Variants in GABRA3 observed in about 807,000 individuals in gnomAD.
GABRA3 encodes gamma-aminobutyric acid receptor subunit alpha-3.
A neutral mutation model predicts 30.1 loss-of-function variants in GABRA3; 10 were observed. The ratio of observed to expected loss-of-function variants is 0.33; its 90% CI spans 0.20 to 0.56. GABRA3 has a LOEUF of 0.56. Among genes scored for constraint, GABRA3 ranks in the 20% least tolerant of loss-of-function variants. The pLI is 0.89. For synonymous variants in GABRA3, 151 were observed against 146.8 expected (o/e 1.03, Z -0.21); for missense variants, 233 against 392.0 (o/e 0.59, Z 3.42).
intron 1 of GABRA3, among the ~76,000 whole-genome samples, chrX:152,416,023 A>G (rs1227604173): frequency 9.0e-6 from 1 of 110,877 alleles, no homozygotes; most frequent in East Asian, 2.8e-4. Flanking sequence ...TTTTCATACA[A>G]TACTTAGGCA....
chrX:152,317,885 C>T (rs992295133), intron 3 of GABRA3, among the ~76,000 whole-genome samples: 15 of 111,276 alleles, frequency 1.3e-4, no homozygotes, highest in Non-Finnish European at 3.8e-5. Context: ...CACAAATAGA[C>T]AATCAAAGGT....
chrX:152,399,834 C>T (rs1263135125), intron 1 of GABRA3, among the ~76,000 whole-genome samples: 4 of 111,703 alleles, frequency 3.6e-5, no homozygotes, highest in African/African-American at 1.3e-4. Context: ...AGAAGGAAGA[C>T]TGCAAAACTC....
chrX:152,196,744 A>T (rs1207718245), intron 8 of GABRA3, among the ~76,000 whole-genome samples: 2 of 112,109 alleles, frequency 1.8e-5, no homozygotes, highest in Non-Finnish European at 3.8e-5. Flanking sequence ...CTCTCCTCAC[A>T]TGACTTCCAT....
chrX:152,288,298 G>A (rs912575760), intron 3 of GABRA3, among the ~76,000 whole-genome samples: 9 of 111,949 alleles, frequency 8.0e-5, no homozygotes, highest in African/African-American at 2.3e-4. Context: ...AACACATGGA[G>A]AAGAACCCTG....
chrX:152,280,958 C>CTT (rs771890666), intron 4 of GABRA3, among the ~76,000 whole-genome samples: 50 of 111,265 alleles, frequency 4.5e-4, no homozygotes, highest in African/African-American at 1.5e-3. Flanking sequence ...CAGACAAATA[C>CTT]TTGTTAATTA....
intron 3 of GABRA3, among the ~76,000 whole-genome samples, chrX:152,290,771 A>T (rs1302067214): frequency 8.9e-6 from 1 of 112,060 alleles, no homozygotes; most frequent in Non-Finnish European, 1.9e-5. Context: ...TAAATAGGGA[A>T]TCCTTTCCCC....
intron 4 of GABRA3, among the ~76,000 whole-genome samples, chrX:152,278,416 A>G (rs1468525918): frequency 3.6e-5 from 4 of 110,516 alleles, no homozygotes; most frequent in Non-Finnish European, 7.6e-5. Context: ...AGCTTCATCC[A>G]TGTCCCTACA....
chrX:152,402,067 C>T (rs2124523045), intron 1 of GABRA3, among the ~76,000 whole-genome samples: 1 of 112,051 alleles, frequency 8.9e-6, no homozygotes, highest in South Asian at 3.7e-4. Flanking sequence ...ATAAATGCAG[C>T]ATGATATCTG....
intron 3 of GABRA3, among the ~76,000 whole-genome samples, chrX:152,343,466 A>G (rs1940345530): frequency 9.2e-6 from 1 of 109,212 alleles, no homozygotes; most frequent in Admixed American, 9.9e-5. Context: ...AAAAAACAAA[A>G]CGCAATTGCA....
At chrX:152,289,927 T>C (rs1276732804) in intron 3 of GABRA3, among the ~76,000 whole-genome samples, 2 of 112,137 alleles carry the variant, frequency 1.8e-5, no homozygotes, top group African/African-American at 6.5e-5. Context: ...TTGGTGGACA[T>C]TTGGGTTGGT....
intron 1 of GABRA3, among the ~76,000 whole-genome samples, chrX:152,433,338 G>A (rs12690085): frequency 0.26 from 28,238 of 107,596 alleles, 3,278 homozygotes; most frequent in East Asian, 0.44. Flanking sequence ...CTTAAAAGGA[G>A]GGCAAAATCG....
intron 7 of GABRA3, among the ~76,000 whole-genome samples, chrX:152,199,364 CA>C (rs1343097115): frequency 1.1e-3 from 97 of 86,015 alleles, no homozygotes; most frequent in Middle Eastern, 6.0e-3. Context: ...GACTCTGTCT[CA>C]AAAAAAAAAA....
At chrX:152,181,175 G>T (rs1937141081) in intron 9 of GABRA3, among the ~76,000 whole-genome samples, 1 of 111,628 alleles carries the variant, frequency 9.0e-6, no homozygotes, top group African/African-American at 3.3e-5. Flanking sequence ...TGAACAGTGG[G>T]TATCTTTCCA....
At chrX:152,431,557 C>A (rs1352995705) in intron 1 of GABRA3, among the ~76,000 whole-genome samples, 1 of 111,771 alleles carries the variant, frequency 8.9e-6, no homozygotes, top group Non-Finnish European at 1.9e-5. Context: ...ATGTCCTAAT[C>A]CCCAGAACCT....
chrX:152,228,977 T>G (rs764895292), intron 5 of GABRA3, among the ~76,000 whole-genome samples: 1 of 111,455 alleles, frequency 9.0e-6, no homozygotes, highest in East Asian at 2.8e-4. Context: ...TCATCATTAT[T>G]ATTTTTACTA....
chrX:152,256,587 T>C (rs1938641270), intron 4 of GABRA3, among the ~76,000 whole-genome samples: 1 of 111,990 alleles, frequency 8.9e-6, no homozygotes, highest in Non-Finnish European at 1.9e-5. Flanking sequence ...ATGAAATGGA[T>C]AAAAATTGCT....
chrX:152,362,024 C>G (rs910674166), intron 2 of GABRA3, among the ~76,000 whole-genome samples: 1 of 111,224 alleles, frequency 9.0e-6, no homozygotes, highest in Non-Finnish European at 1.9e-5. Context: ...CAAAACAGAA[C>G]TGGTTTTATT....
intron 1 of GABRA3, among the ~76,000 whole-genome samples, chrX:152,388,789 C>A (rs1929398324): frequency 8.9e-6 from 1 of 112,033 alleles, no homozygotes; most frequent in Admixed American, 9.5e-5. Context: ...AAAGATTATA[C>A]TAATACATGC....
intron 1 of GABRA3, among the ~76,000 whole-genome samples, chrX:152,397,218 C>T (rs1445803186): frequency 8.9e-6 from 1 of 111,871 alleles, no homozygotes; most frequent in African/African-American, 3.2e-5. Flanking sequence ...GAGAACCACA[C>T]TCTTTACACC....
Sources: allele counts gnomAD v4.1 joint callset (sites outside exome capture counted in the v4.1 genomes callset), GRCh38; gene constraint gnomAD v4.1.1; transcripts MANE v1.5; gene names NCBI Gene and HGNC (gene_info 2026-07-23, HGNC 2026-07-21).